KNG1: variants seen among roughly 807,000 people sequenced by gnomAD.
KNG1 encodes the protein kininogen 1.
In KNG1, 23 loss-of-function variants were observed where a neutral mutation model predicts 47.8. The ratio of observed to expected loss-of-function variants is 0.48; its 90% CI spans 0.35 to 0.68. The LOEUF (loss-of-function observed/expected upper bound fraction) is 0.68, where lower values mean the gene tolerates loss of function less well. KNG1 is among the 30% of genes least tolerant of loss of function. The pLI, the probability that KNG1 is intolerant of heterozygous loss-of-function variation, is 0.01. For synonymous variants in KNG1, 277 were observed against 277.0 expected (o/e 1.00, Z 0.00); for missense variants, 762 against 790.2 (o/e 0.96, Z 0.43).
intron 8 of KNG1, 49 bp from the exon 9 acceptor site, chr3:186,739,279 G>A (rs767384631): frequency 1.2e-4 from 192 of 1,579,218 alleles, no homozygotes; most frequent in Non-Finnish European, 1.6e-4. Flanking sequence ...TTGTTTAAAT[G>A]TCTCGTGAAT....
rs1720570414 is a variant in KNG1, at chr3:186,732,741, C to T, written c.930+67C>T. 5.4e-6 allele frequency: 7 copies of T among 1,306,328 alleles called. No individual in the cohort carries two copies. In the East Asian group the frequency reaches 1.4e-4, roughly 26 times the overall value. 80.9% of individuals were successfully genotyped at this position (1,306,328 alleles called of 1,614,324 possible). ...TGTGCAAATTGCTGACTAATTTTGC[C>T]ACTGATCTTGGCTCTGGATTGGGAA... On this transcript the variant is annotated intron_variant, in intron 7 of 9. Transcript: ENST00000644859.
At chr3:186,717,822 C>CA in intron 1 of KNG1, 85 bp downstream of exon 1, 1 of 884,724 alleles carries the variant, frequency 1.1e-6, no homozygotes, top group Non-Finnish European at 1.8e-6. Flanking sequence ...ACACACATAC[C>CA]ACCACCAGCA....
At position 186,727,328 on chromosome 3, in the gene KNG1, A is replaced by G. The variant is rs977396060; in HGVS notation, c.656A>G (p.Lys219Arg). 1.2e-6 allele frequency: 2 copies of G among 1,611,278 alleles called. No homozygotes were observed. Among genetic ancestry groups the G allele is most frequent in the Non-Finnish European group, 1.7e-6 (2 of 1,177,386 alleles). The change falls in exon 5 of 10, where the codon AAG becomes AGG. Residue 219 changes from lysine (K) to arginine (R), a missense_variant. Transcript: ENST00000644859. The stretch of plus-strand genomic sequence containing the variant: ...TTTCTGTTCTTAACTCCAGACTGCA[A>G]GTCCCTTTGGAATGGTGTAAGTAGG... The part of the protein sequence containing the change: ...ENFLFLTPDC[K>R]SLWNGDTGEC...
intron 2 of KNG1, chr3:186,721,688 T>TC (rs1360390354): frequency 6.6e-6 from 1 of 152,246 alleles, no homozygotes; most frequent in Non-Finnish European, 1.5e-5. Context: ...GATGCCAAGG[T>TC]CCTTGCCCTT....
chr3:186,720,813 A>G (rs1170792324), intron 2 of KNG1, among the ~76,000 whole-genome samples: 1 of 54,502 alleles, frequency 1.8e-5, no homozygotes, highest in Non-Finnish European at 3.4e-5. Flanking sequence ...TTTTTGAGCC[A>G]GAGTCTCGCT....
intron 1 of KNG1, 66 bp from the exon 2 acceptor site, chr3:186,720,039 A>T: frequency 1.0e-6 from 1 of 954,338 alleles, no homozygotes; most frequent in Non-Finnish European, 1.7e-6. Flanking sequence ...CTTTACCGGA[A>T]CCCACTAGAA....
chr3:186,727,102 GTAATAA>G, intron 4 of KNG1, 129 bp from the exon 5 acceptor site: 1 of 680,664 alleles, frequency 1.5e-6, no homozygotes, highest in Admixed American at 2.3e-5. Context: ...TTTTTGCCTA[GTAATAA>G]TAATATTTTA....
At chr3:186,728,245 G>T (rs115323010) in intron 5 of KNG1, 34 of 152,220 alleles carry the variant, frequency 2.2e-4, no homozygotes, top group African/African-American at 8.2e-4. Flanking sequence ...AGGGATGTTT[G>T]CATTTGAGCA....
At position 186,743,790 on chromosome 3, in the gene KNG1, T is replaced by G. The variant is rs192382028; in HGVS notation, c.*1459T>G. On this transcript the variant is annotated 3_prime_UTR_variant, in exon 10 of 10. Transcript: ENST00000644859. Reference sequence around the variant, plus strand: ...TCTGAGAGGGAGGTCTCTTGACCAATGGGCAGAATCTTCACTCCAGGCACA... The same window carrying G: ...TCTGAGAGGGAGGTCTCTTGACCAAGGGGCAGAATCTTCACTCCAGGCACA... The G allele has an allele frequency of 6.2e-7, 1 of 1,611,852 alleles. No homozygotes were observed. The highest frequency in any genetic ancestry group is 8.5e-7 in the Non-Finnish European group (1 of 1,178,046).
intron 7 of KNG1, chr3:186,738,266 C>G (rs768978604): frequency 6.6e-6 from 1 of 152,082 alleles, no homozygotes; most frequent in Non-Finnish European, 1.5e-5. Flanking sequence ...GCATGAACCA[C>G]CACGCCCAGC....
intron 1 of KNG1, among the ~76,000 whole-genome samples, chr3:186,719,684 A>C (rs899148999): frequency 2.0e-5 from 3 of 150,974 alleles, no homozygotes; most frequent in African/African-American, 4.9e-5. Flanking sequence ...AGCCGAGATC[A>C]CGCCACTGCA....
intron 5 of KNG1, among the ~76,000 whole-genome samples, chr3:186,730,715 T>TACACAC (rs1198252081): frequency 9.1e-6 from 1 of 109,456 alleles, no homozygotes; most frequent in African/African-American, 3.9e-5. Flanking sequence ...TATATATATA[T>TACACAC]ACACACACAC....
rs1237997662 is a variant in KNG1 at position 186,718,013 on chromosome 3, T to C, written c.195+276T>C. Reference sequence around the variant, plus strand: ...CATCACCCACCACCACCCACCACCATCACCCACCACCCACCACCACTCGCC... The same window carrying C: ...CATCACCCACCACCACCCACCACCACCACCCACCACCCACCACCACTCGCC... On this transcript the variant is annotated intron_variant, in intron 1 of 9. Coordinates refer to ENST00000644859, the MANE Select transcript of KNG1 (RefSeq NM_001102416.3). 162 of 179,410 alleles carry C rather than the reference T, an allele frequency of 9.0e-4. No individual in the cohort carries two copies. The African/African-American group carries it at 1.0e-2, about 11-fold the overall frequency. 11.1% of individuals were successfully genotyped at this position (179,410 alleles called of 1,614,324 possible).
chr3:186,720,248 T>C (rs2304452), intron 2 of KNG1, 33 bp downstream of exon 2: 292,536 of 1,418,792 alleles, frequency 0.21, 31,559 homozygotes, highest in South Asian at 0.3. Context: ...GGCCTTCTGT[T>C]TTCTCCGTTG....
At chr3:186,730,777 CAAAT>C (rs1218045774) in intron 5 of KNG1, among the ~76,000 whole-genome samples, 3 of 131,136 alleles carry the variant, frequency 2.3e-5, no homozygotes, top group Non-Finnish European at 3.2e-5. Flanking sequence ...TACACACACA[CAAAT>C]ACATACAAAT....
chr3:186,725,163 T>C lies in KNG1; in HGVS notation c.467T>C (p.Leu156Pro). Residue 156 changes from leucine (L) to proline (P), a missense_variant, in exon 4 of 10, where the codon CTG becomes CCG. By Grantham distance (98) the Leu-to-Pro change is moderately conservative. Coordinates refer to ENST00000644859, the MANE Select transcript of KNG1 (RefSeq NM_001102416.3). ...CCTATATCAACGCAGAGCCCAGACC[T>C]GGAGCCCATTCTGAGACACGGCATT... is the stretch of plus-strand genomic sequence containing the variant. ...VHPISTQSPD[L>P]EPILRHGIQY... The C allele has an allele frequency of 6.2e-7, 1 of 1,614,204 alleles. No individual in the cohort carries two copies. The highest frequency in any genetic ancestry group is 8.5e-7 in the Non-Finnish European group (1 of 1,180,020).
Position 186,741,835 on chromosome 3 carries a change from A to G in KNG1, c.1439A>G (p.Asp480Gly). The G allele has an allele frequency of 6.2e-7, 1 of 1,613,790 alleles. No individual in the cohort carries two copies. The highest frequency in any genetic ancestry group is 8.5e-7 in the Non-Finnish European group (1 of 1,179,768). ...GLGHGHKFKLDDDLEHQGGHV... is the reference protein window; with the variant it reads ...GLGHGHKFKLGDDLEHQGGHV... ...GGTCATGGACATAAGTTCAAACTTG[A>G]TGATGATCTTGAACACCAAGGGGGC... The change falls in exon 10 of 10, where the codon GAT (aspartate) becomes GGT (glycine). Residue 480 changes from aspartate (D) to glycine (G), a missense_variant. Transcript: ENST00000644859.
intron 7 of KNG1, chr3:186,736,811 G>C (rs1720681417): frequency 6.6e-6 from 1 of 152,172 alleles, no homozygotes; most frequent in South Asian, 2.1e-4. Flanking sequence ...AGCACTTTGG[G>C]GGGCCGAGGC....
In KNG1 at chr3:186,743,742, C is replaced by T. The variant is rs773027416; in HGVS notation, c.*1411C>T. ...TCCTGCGAGTACAAGGGTCGACCCC[C>T]AAAGGCAGGGGCAGAGCCAGCATCT... On this transcript the variant is annotated 3_prime_UTR_variant, in exon 10 of 10. Transcript: ENST00000644859. 5 of 1,614,146 alleles carry T rather than the reference C, an allele frequency of 3.1e-6. No homozygotes were observed. The highest frequency in any genetic ancestry group is 2.2e-5 in the South Asian group (2 of 91,082).
Sources: gnomAD v4.1 joint callset for allele counts (sites outside exome capture counted in the v4.1 genomes callset) on GRCh38, gnomAD v4.1.1 for gene constraint, MANE v1.5 for transcripts, NCBI Gene and HGNC (gene_info 2026-07-23, HGNC 2026-07-21) for gene names.